The following CDKAL1 variants were observed in gnomAD, a reference collection of about 807,000 sequenced individuals.
The protein encoded by CDKAL1 is CDKAL1 threonylcarbamoyladenosine tRNA methylthiotransferase.
CDKAL1 carries 32 observed loss-of-function variants against 68.2 expected under a neutral mutation model. The ratio of observed to expected loss-of-function variants is 0.47; its 90% CI spans 0.35 to 0.63. The LOEUF (loss-of-function observed/expected upper bound fraction) is 0.63, where lower values mean the gene tolerates loss of function less well. CDKAL1 is among the 30% of genes least tolerant of loss of function. CDKAL1 has a pLI of 0.00. For missense variants in CDKAL1, 606 were observed against 696.7 expected (o/e 0.87, Z 1.47); for synonymous variants, 234 against 244.3 (o/e 0.96, Z 0.39).
At chr6:20,785,725 AAAATCCTC>A (rs1775644483) in intron 8 of CDKAL1, among the ~76,000 whole-genome samples, 1 of 152,222 alleles carries the variant, frequency 6.6e-6, no homozygotes, top group East Asian at 1.9e-4. Context: ...CCTTCTCAGT[AAAATCCTC>A]ACACTTTTCA....
chr6:20,976,989 TAC>T (rs1205495674), intron 10 of CDKAL1, among the ~76,000 whole-genome samples: 1 of 152,198 alleles, frequency 6.6e-6, no homozygotes, highest in Non-Finnish European at 1.5e-5. Context: ...GCAGACATAA[TAC>T]ACTCATTTCT....
intron 5 of CDKAL1, among the ~76,000 whole-genome samples, chr6:20,735,668 T>G (rs1004059037): frequency 6.6e-6 from 1 of 152,234 alleles, no homozygotes; most frequent in Non-Finnish European, 1.5e-5. Flanking sequence ...GGTGTTCTTA[T>G]TCCCTTAAAA....
At chr6:20,808,431 GA>G (rs954916786) in intron 8 of CDKAL1, among the ~76,000 whole-genome samples, 1 of 152,042 alleles carries the variant, frequency 6.6e-6, no homozygotes, top group African/African-American at 2.4e-5. Flanking sequence ...TTTCTTTAAA[GA>G]AAAAAATTTG....
At chr6:21,011,214 T>TA (rs541098272) in intron 11 of CDKAL1, among the ~76,000 whole-genome samples, 1,459 of 144,026 alleles carry the variant, frequency 0.01, 32 homozygotes, top group African/African-American at 0.034. Context: ...CCATCTCTAC[T>TA]AAAAAAAATA....
At chr6:20,784,447 A>G (rs1449820044) in intron 8 of CDKAL1, among the ~76,000 whole-genome samples, 1 of 7,260 alleles carries the variant, frequency 1.4e-4, no homozygotes, top group African/African-American at 3.0e-4. Flanking sequence ...TTTTTGAGAC[A>G]GAGTCTCACT....
chr6:20,838,512 A>G (rs1178358857), intron 8 of CDKAL1, among the ~76,000 whole-genome samples: 3 of 152,230 alleles, frequency 2.0e-5, no homozygotes, highest in Non-Finnish European at 2.9e-5. Flanking sequence ...AGGTGGAACA[A>G]AAGAAAATTT....
chr6:20,737,371 G>A (rs114861491), intron 5 of CDKAL1, among the ~76,000 whole-genome samples: 6 of 152,328 alleles, frequency 3.9e-5, no homozygotes, highest in Non-Finnish European at 8.8e-5. Flanking sequence ...TGAGTGCAAA[G>A]CACTTGTCTT....
At chr6:21,011,602 G>C (rs1356102044) in intron 11 of CDKAL1, among the ~76,000 whole-genome samples, 1 of 152,136 alleles carries the variant, frequency 6.6e-6, no homozygotes, top group African/African-American at 2.4e-5. Flanking sequence ...CTTAAGTTGT[G>C]GTTAATATTA....
chr6:20,915,500 A>G (rs1233862786), intron 9 of CDKAL1, among the ~76,000 whole-genome samples: 1 of 152,326 alleles, frequency 6.6e-6, no homozygotes, highest in East Asian at 1.9e-4. Flanking sequence ...TGATTGAAAG[A>G]GGCCCACCCA....
At chr6:20,752,502 C>G (rs1561746210) in intron 6 of CDKAL1, among the ~76,000 whole-genome samples, 1 of 152,158 alleles carries the variant, frequency 6.6e-6, no homozygotes, top group Non-Finnish European at 1.5e-5. Flanking sequence ...TGTACACACA[C>G]ACACAGACAC....
At chr6:20,661,881 C>G (rs536393461) in intron 5 of CDKAL1, among the ~76,000 whole-genome samples, 1 of 152,140 alleles carries the variant, frequency 6.6e-6, no homozygotes, top group African/African-American at 2.4e-5. Context: ...GAAATACTTA[C>G]ATAATTAAAT....
chr6:20,839,821 T>C (rs1023508666), intron 8 of CDKAL1, among the ~76,000 whole-genome samples: 3 of 152,190 alleles, frequency 2.0e-5, no homozygotes, highest in Non-Finnish European at 4.4e-5. Flanking sequence ...TCCTCCTAGC[T>C]GTGTAGCCCA....
intron 8 of CDKAL1, among the ~76,000 whole-genome samples, chr6:20,808,703 A>G (rs1776673058): frequency 6.6e-6 from 1 of 152,020 alleles, no homozygotes; most frequent in Admixed American, 6.6e-5. Flanking sequence ...AGAAGATGGG[A>G]TTGGATGTAT....
intron 9 of CDKAL1, among the ~76,000 whole-genome samples, chr6:20,879,200 G>A (rs192220505): frequency 4.6e-5 from 7 of 152,286 alleles, no homozygotes; most frequent in African/African-American, 7.2e-5. Flanking sequence ...TGGACTCTTT[G>A]CATTTCTGTA....
chr6:20,657,829 T>G (rs1769096301), intron 5 of CDKAL1, among the ~76,000 whole-genome samples: 2 of 152,310 alleles, frequency 1.3e-5, no homozygotes, highest in South Asian at 4.1e-4. Context: ...CCTTTTCACC[T>G]TAGAAATCTG....
intron 11 of CDKAL1, among the ~76,000 whole-genome samples, chr6:21,024,181 G>A (rs145418006): frequency 1.1e-4 from 17 of 152,290 alleles, no homozygotes; most frequent in Non-Finnish European, 1.9e-4. Flanking sequence ...TTAGAGATGA[G>A]TCAATAGTAT....
intron 8 of CDKAL1, among the ~76,000 whole-genome samples, chr6:20,815,921 C>A (rs541389449): frequency 1.3e-5 from 2 of 152,258 alleles, no homozygotes; most frequent in African/African-American, 2.4e-5. Context: ...GAAATTTATT[C>A]TCTGGCAGTT....
chr6:21,132,037 A>AT (rs1172197743), intron 13 of CDKAL1, among the ~76,000 whole-genome samples: 3 of 152,164 alleles, frequency 2.0e-5, no homozygotes, highest in African/African-American at 7.2e-5. Context: ...CACCTATAAA[A>AT]TTACTAAAAA....
chr6:20,845,484 A>G (rs1324120025), intron 8 of CDKAL1, among the ~76,000 whole-genome samples: 1 of 151,888 alleles, frequency 6.6e-6, no homozygotes, highest in Non-Finnish European at 1.5e-5. Flanking sequence ...TACTTTTTTT[A>G]CTTTGATTAA....
Sources: gnomAD v4.1 joint callset for allele counts (sites outside exome capture counted in the v4.1 genomes callset) on GRCh38, gnomAD v4.1.1 for gene constraint, MANE v1.5 for transcripts, NCBI Gene and HGNC (gene_info 2026-07-23, HGNC 2026-07-21) for gene names.